Variants in CNTNAP2 observed in about 807,000 individuals in gnomAD.
CNTNAP2 encodes the protein contactin-associated protein-like 2.
CNTNAP2 carries 98 observed loss-of-function variants against 155.2 expected under a neutral mutation model. That is an observed-to-expected ratio of 0.63 (90% CI 0.54 to 0.75). CNTNAP2 has a LOEUF of 0.75. Ranked by LOEUF, CNTNAP2 falls within the 30% of genes least tolerant of loss-of-function variation. The pLI is 0.00. For missense variants in CNTNAP2, 1,727 were observed against 1,688.1 expected (o/e 1.02, Z -0.40); for synonymous variants, 651 against 631.2 (o/e 1.03, Z -0.47).
chr7:147,148,700 A>G (rs942678334), intron 8 of CNTNAP2, among the ~76,000 whole-genome samples: 4 of 152,078 alleles, frequency 2.6e-5, no homozygotes, highest in Non-Finnish European at 5.9e-5. Flanking sequence ...GAGTGAAGCC[A>G]CAGACCTTCA....
chr7:147,363,723 G>A lies in CNTNAP2; in HGVS notation c.1499-31886G>A, dbSNP rs147166797. Among the ~76,000 whole-genome samples the A allele has an allele frequency of 4.5e-4, 68 of 151,978 alleles. 1 individual carries two copies. The highest frequency in any genetic ancestry group is 1.6e-3 in the African/African-American group (66 of 41,428). Reference sequence around the variant, plus strand: ...TTTTCTATTAACTTCTCATTTTATTGTATGGCATTTATAGGGCCTTAGGGA... The same window carrying A: ...TTTTCTATTAACTTCTCATTTTATTATATGGCATTTATAGGGCCTTAGGGA... On this transcript the variant is annotated intron_variant, in intron 9 of 23. Transcript: ENST00000361727.
In CNTNAP2 at chr7:148,059,499, A is replaced by T. The variant is rs968569262; in HGVS notation, c.2384-58619A>T. Reference sequence around the variant, plus strand: ...CCAGCTACTCTGGCTGAGGCAGGAAAATCGCTTGAACCCGGGAGAGGGAGG... The same window carrying T: ...CCAGCTACTCTGGCTGAGGCAGGAATATCGCTTGAACCCGGGAGAGGGAGG... On this transcript the variant is annotated intron_variant, in intron 15 of 23. Transcript: ENST00000361727. 5.3e-5 allele frequency among the ~76,000 whole-genome samples: 8 copies of T among 151,894 alleles called. No homozygotes were observed. The East Asian group carries it at 1.4e-3, about 26-fold the overall frequency.
rs150787127 is a variant in CNTNAP2 at position 147,481,284 on chromosome 7, C to T, written c.1671-4651C>T. On this transcript the variant is annotated intron_variant, in intron 10 of 23. Transcript: ENST00000361727. ...TTTGAAATAAAAGTTCTTCCACTAT[C>T]CCTGCTTAATTAAACAATGTCCATA... Among the ~76,000 whole-genome samples, 43 of 152,306 alleles carry T rather than the reference C, an allele frequency of 2.8e-4. No individual in the cohort carries two copies. In the East Asian group the frequency reaches 8.3e-3, roughly 29 times the overall value.
At chr7:148,277,190 G>T (rs568238589) in intron 21 of CNTNAP2, among the ~76,000 whole-genome samples, 1 of 152,160 alleles carries the variant, frequency 6.6e-6, no homozygotes, top group Non-Finnish European at 1.5e-5. Context: ...ATGCATGCTG[G>T]TCCTTGAGTT....
chr7:146,883,992 A>G (rs927757717), intron 3 of CNTNAP2, among the ~76,000 whole-genome samples: 1 of 152,074 alleles, frequency 6.6e-6, no homozygotes, highest in African/African-American at 2.4e-5. Context: ...TGTTCAATGA[A>G]TTTTAAGCAT....
chr7:147,472,907 G>A (rs1386307526), intron 10 of CNTNAP2, among the ~76,000 whole-genome samples: 1 of 152,166 alleles, frequency 6.6e-6, no homozygotes. Context: ...CAAGAAGCAG[G>A]TGGAGTGTCC....
intron 13 of CNTNAP2, among the ~76,000 whole-genome samples, chr7:147,800,058 A>T (rs1484169147): frequency 1.3e-5 from 2 of 152,224 alleles, no homozygotes; most frequent in Non-Finnish European, 2.9e-5. Flanking sequence ...AGTATGTGTC[A>T]AAATTAAATA....
chr7:146,217,451 G>A (rs1642959298), intron 1 of CNTNAP2, among the ~76,000 whole-genome samples: 5 of 152,104 alleles, frequency 3.3e-5, no homozygotes, highest in Admixed American at 3.3e-4. Flanking sequence ...TTGGTATACA[G>A]ATCATTTCAT....
intron 13 of CNTNAP2, among the ~76,000 whole-genome samples, chr7:147,813,981 T>TG (rs1299985558): frequency 6.6e-6 from 1 of 152,168 alleles, no homozygotes; most frequent in Non-Finnish European, 1.5e-5. Context: ...GGACAAAGTA[T>TG]TCAGGAACAA....
At chr7:147,185,825 G>A (rs1201821202) in intron 8 of CNTNAP2, among the ~76,000 whole-genome samples, 1 of 152,170 alleles carries the variant, frequency 6.6e-6, no homozygotes, top group Non-Finnish European at 1.5e-5. Flanking sequence ...CATGGGGACA[G>A]GTTTTTCCTG....
Position 147,572,157 on chromosome 7 carries a change from A to C in CNTNAP2, c.1897+9900A>C, listed in dbSNP as rs1422596687. On this transcript the variant is annotated intron_variant, in intron 12 of 23. Coordinates refer to ENST00000361727, the MANE Select transcript of CNTNAP2 (RefSeq NM_014141.6). ...AACTCTTCTCCGTAACGGATTACCC[A>C]CTCCCAAAGACTCCCTTCTGGATTC... Among the ~76,000 whole-genome samples, 3 of 151,304 alleles carry C rather than the reference A, an allele frequency of 2.0e-5. No individual in the cohort carries two copies. The East Asian group carries it at 5.9e-4, about 30-fold the overall frequency.
chr7:147,873,943 C>T (rs1028321268), intron 13 of CNTNAP2, among the ~76,000 whole-genome samples: 1 of 152,186 alleles, frequency 6.6e-6, no homozygotes, highest in African/African-American at 2.4e-5. Context: ...TTCAACAGGG[C>T]AGTCATTAAA....
chr7:147,852,179 A>G (rs1798957416), intron 13 of CNTNAP2, among the ~76,000 whole-genome samples: 1 of 152,204 alleles, frequency 6.6e-6, no homozygotes, highest in Non-Finnish European at 1.5e-5. Context: ...GAATTCATGA[A>G]TTATGTAGTT....
intron 1 of CNTNAP2, among the ~76,000 whole-genome samples, chr7:146,549,692 A>G (rs1324324609): frequency 6.6e-6 from 1 of 152,110 alleles, no homozygotes; most frequent in Admixed American, 6.6e-5. Flanking sequence ...AAGTAGATTC[A>G]AACAAATGTT....
intron 1 of CNTNAP2, among the ~76,000 whole-genome samples, chr7:146,672,766 A>C (rs1053109997): frequency 6.6e-6 from 1 of 152,216 alleles, no homozygotes; most frequent in Non-Finnish European, 1.5e-5. Context: ...CCAAACAATC[A>C]TAACACATTA....
At position 148,242,497 on chromosome 7, in the gene CNTNAP2, G is replaced by A. The variant is rs558385191; in HGVS notation, c.3381+12718G>A. Among the ~76,000 whole-genome samples the A allele has an allele frequency of 2.0e-5, 3 of 152,306 alleles. No individual in the cohort carries two copies. In the South Asian group the frequency reaches 6.2e-4, roughly 32 times the overall value. On this transcript the variant is annotated intron_variant, in intron 20 of 23. Coordinates refer to ENST00000361727, the MANE Select transcript of CNTNAP2 (RefSeq NM_014141.6). ...GCTGTAACCAGTGAGCGTAGGGAAG[G>A]GAAAATCTTGTGAAACTGGCTTGGG...
At chr7:147,719,286 C>G (rs1796529213) in intron 13 of CNTNAP2, among the ~76,000 whole-genome samples, 1 of 152,036 alleles carries the variant, frequency 6.6e-6, no homozygotes, top group Non-Finnish European at 1.5e-5. Flanking sequence ...TTTTTTCTCT[C>G]TCTCTCACAT....
intron 7 of CNTNAP2, among the ~76,000 whole-genome samples, chr7:147,130,904 G>T (rs866675334): frequency 6.6e-6 from 1 of 151,880 alleles, no homozygotes; most frequent in African/African-American, 2.4e-5. Flanking sequence ...CAGTAAAAGC[G>T]AGCATTTAAA....
At chr7:146,963,283 T>G (rs1440659721) in intron 3 of CNTNAP2, 1 of 152,224 alleles carries the variant, frequency 6.6e-6, no homozygotes, top group African/African-American at 2.4e-5. Flanking sequence ...TTACTCTGAA[T>G]CCTACCTTCA....
Sources: allele counts gnomAD v4.1 joint callset (sites outside exome capture counted in the v4.1 genomes callset), GRCh38; gene constraint gnomAD v4.1.1; transcripts MANE v1.5; gene names NCBI Gene and HGNC (gene_info 2026-07-23, HGNC 2026-07-21).